The following NR2F6 variants were observed in gnomAD, a reference collection of about 807,000 sequenced individuals.
NR2F6 encodes the protein nuclear receptor subfamily 2 group F member 6, also known as ERBA-related gene-2.
A neutral mutation model predicts 26.5 loss-of-function variants in NR2F6; 16 were observed. That is an observed-to-expected ratio of 0.60 (90% CI 0.41 to 0.92). The LOEUF is 0.92. Among genes scored for constraint, NR2F6 ranks in the 40% least tolerant of loss-of-function variants. The pLI, the probability that NR2F6 is intolerant of heterozygous loss-of-function variation, is 0.00. For synonymous variants in NR2F6, 325 were observed against 305.0 expected, an observed-to-expected ratio of 1.07 and a Z score of -0.68; for missense variants, 536 against 631.7, an observed-to-expected ratio of 0.85 and a Z score of 1.62.
chr19:17,241,272 T>C (rs1332819745), intron 1 of NR2F6, among the ~76,000 whole-genome samples: 2 of 152,156 alleles, frequency 1.3e-5, no homozygotes, highest in Non-Finnish European at 2.9e-5. Flanking sequence ...TGTGGGGTCA[T>C]AGCATTGTGG....
At chr19:17,238,732 G>C (rs1242161423) in intron 2 of NR2F6, among the ~76,000 whole-genome samples, 1 of 152,144 alleles carries the variant, frequency 6.6e-6, no homozygotes, top group Non-Finnish European at 1.5e-5. Context: ...AAGCCCCTCA[G>C]CTGCCTCTCT....
chr19:17,245,315 C>T lies in NR2F6; in HGVS notation c.-95G>A, dbSNP rs2073492567. 7 of 1,082,676 alleles carry T rather than the reference C, an allele frequency of 6.5e-6. No homozygotes were observed. In the South Asian group the frequency reaches 3.2e-4, roughly 50 times the overall value. The allele number at this position is 1,082,676 out of a possible 1,614,324, so 67.1% of individuals were successfully genotyped here. A position where few individuals can be genotyped will look rare whatever the true frequency, so the allele number is the denominator to read the frequency against. The stretch of plus-strand genomic sequence containing the variant: ...GGACCCTACGCGGCGCGCATTCGGC[C>T]CCGGCGCGCGGGGGGCACGGGCTGC... On this transcript the variant is annotated 5_prime_UTR_variant, in exon 1 of 4. Coordinates refer to ENST00000291442, the MANE Select transcript of NR2F6 (RefSeq NM_005234.4). This position sits in a 1 kb window ranked among gnomAD's most constrained non-coding sequence, Gnocchi z 5.0.
intron 3 of NR2F6, among the ~76,000 whole-genome samples, chr19:17,233,951 G>A (rs1017516473): frequency 2.6e-5 from 4 of 152,094 alleles, no homozygotes; most frequent in East Asian, 1.9e-4. Context: ...AAGGCCAGGC[G>A]CGGTGGCTCA....
chr19:17,232,932 G>C (rs949962963), intron 3 of NR2F6, among the ~76,000 whole-genome samples: 1 of 152,186 alleles, frequency 6.6e-6, no homozygotes, highest in Non-Finnish European at 1.5e-5. Context: ...TGGATCACTT[G>C]AGGTCAGGAG....
chr19:17,245,115 G>T lies in NR2F6; in HGVS notation c.106C>A (p.Pro36Thr). ...RAAEDDSASP[P>T]GAASDAEPGD... ...GGCTCGGCGTCGCTGGCGGCACCGGGGGGCGAGGCCGAGTCGTCCTCGGCC... is the reference window on the plus strand; with the variant it reads ...GGCTCGGCGTCGCTGGCGGCACCGGTGGGCGAGGCCGAGTCGTCCTCGGCC... The change falls in exon 1 of 4, where the codon CCC (proline) becomes ACC (threonine). Residue 36 changes from proline to threonine, a missense_variant. Coordinates refer to ENST00000291442, the MANE Select transcript of NR2F6 (RefSeq NM_005234.4). This position sits in a 1 kb window ranked among gnomAD's most constrained non-coding sequence, Gnocchi z 5.0. 2 of 1,541,488 alleles carry T rather than the reference G, an allele frequency of 1.3e-6. No homozygotes were observed. Among genetic ancestry groups the T allele is most frequent in the Non-Finnish European group, 1.7e-6 (2 of 1,146,052 alleles).
intron 1 of NR2F6, among the ~76,000 whole-genome samples, chr19:17,243,059 C>T (rs1351540761): frequency 6.6e-6 from 1 of 152,204 alleles, no homozygotes; most frequent in Non-Finnish European, 1.5e-5. Flanking sequence ...CAGTCCCCCT[C>T]TTACAGCACA....
In NR2F6 at chr19:17,235,527, G is replaced by A; in HGVS notation, c.912C>T (p.Cys304=). ...RLQVDSAEYG[C]LKAIALFTPD... ...GCGTGAAGAGCGCGATGGCCTTGAG[G>A]CAGCCATACTCGGCCGAGTCGACCT... is the stretch of plus-strand genomic sequence containing the variant. Residue 304 remains cysteine (C), a synonymous_variant, in exon 3 of 4, where the codon TGC becomes TGT. Transcript: ENST00000291442. The surrounding 1 kb of genome is among the most constrained non-coding windows in gnomAD (Gnocchi z 5.0). 6.3e-7 allele frequency: 1 copy of A among 1,594,544 alleles called. No homozygotes were observed. Among genetic ancestry groups the A allele is most frequent in the Non-Finnish European group, 8.5e-7 (1 of 1,176,458 alleles).
In NR2F6 at chr19:17,235,473, G is replaced by A. The variant is rs1337404849; in HGVS notation, c.940+26C>T. 5.1e-6 allele frequency: 8 copies of A among 1,556,042 alleles called. No homozygotes were observed. The highest frequency in any genetic ancestry group is 6.9e-6 in the Non-Finnish European group (8 of 1,157,268). ...AACCTCCCTTGGGTCCCCCCATCCC[G>A]CGGCCCTCTTCGGAGCGTGGCTCAC... On this transcript the variant is annotated intron_variant, in intron 3 of 3. Coordinates refer to ENST00000291442, the MANE Select transcript of NR2F6 (RefSeq NM_005234.4). The surrounding 1 kb of genome is among the most constrained non-coding windows in gnomAD (Gnocchi z 5.0).
intron 1 of NR2F6, among the ~76,000 whole-genome samples, chr19:17,243,188 C>T (rs1450334584): frequency 1.3e-5 from 2 of 152,192 alleles, no homozygotes; most frequent in African/African-American, 2.4e-5. Context: ...CTCCTCCAGG[C>T]AGCCCTCTCT....
intron 1 of NR2F6, among the ~76,000 whole-genome samples, chr19:17,243,612 G>C (rs2145569444): frequency 6.6e-6 from 1 of 152,312 alleles, no homozygotes; most frequent in Middle Eastern, 3.4e-3. Context: ...CCAAAGTCTA[G>C]TGGCCCACTT....
chr19:17,240,744 G>A lies in NR2F6; in HGVS notation c.300C>T (p.Ile100=), dbSNP rs1451835409. Residue 100 remains isoleucine, a synonymous_variant, in exon 2 of 4, where the codon ATC becomes ATT. Coordinates refer to ENST00000291442, the MANE Select transcript of NR2F6 (RefSeq NM_005234.4). Reference sequence around the variant, plus strand: ...GGCACTGGTTCCGGTGGTGCTGGTCGATCTGGCAGTCACGGTTGGACCTGG... The same window carrying A: ...GGCACTGGTTCCGGTGGTGCTGGTCAATCTGGCAGTCACGGTTGGACCTGG... ...YTCRSNRDCQ[I]DQHHRNQCQY... 7 of 1,614,004 alleles carry A rather than the reference G, an allele frequency of 4.3e-6. No individual in the cohort carries two copies. The highest frequency in any genetic ancestry group is 2.2e-5 in the South Asian group (2 of 91,070).
rs1325946477 is a variant in NR2F6, at chr19:17,235,385, A to C, written c.940+114T>G. 2.7e-6 allele frequency: 4 copies of C among 1,481,906 alleles called. No individual in the cohort carries two copies. The East Asian group carries it at 1.0e-4, about 38-fold the overall frequency. 91.8% of individuals were successfully genotyped at this position (1,481,906 alleles called of 1,614,324 possible). On this transcript the variant is annotated intron_variant, in intron 3 of 3. Coordinates refer to ENST00000291442, the MANE Select transcript of NR2F6 (RefSeq NM_005234.4). The surrounding 1 kb of genome is among the most constrained non-coding windows in gnomAD (Gnocchi z 5.0). ...TCACTCACGGCGCGTGCAGGGCCCC[A>C]GGCCTAGGGAGCGAGCGGGGCGCTA...
chr19:17,232,683 A>G, intron 3 of NR2F6, 57 bp from the exon 4 acceptor site: 1 of 1,500,546 alleles, frequency 6.7e-7, no homozygotes, highest in South Asian at 1.3e-5. Flanking sequence ...CACAGAGCCC[A>G]CAGGGGTGAC....
At chr19:17,240,346 A>G (rs1378191540) in intron 2 of NR2F6, among the ~76,000 whole-genome samples, 2 of 152,190 alleles carry the variant, frequency 1.3e-5, no homozygotes, top group Non-Finnish European at 2.9e-5. Context: ...AGTCGGGGGT[A>G]ATTGGGGAAG....
intron 2 of NR2F6, among the ~76,000 whole-genome samples, chr19:17,237,961 G>T (rs139265975): frequency 2.0e-5 from 3 of 152,016 alleles, no homozygotes; most frequent in African/African-American, 7.2e-5. Flanking sequence ...GCAACATAGC[G>T]AGACCCCGTC....
Position 17,232,282 on chromosome 19 carries a change from G to A in NR2F6, c.*70C>T, listed in dbSNP as rs1033251051. The A allele has an allele frequency of 6.3e-5, 101 of 1,594,162 alleles. No individual in the cohort carries two copies. The highest frequency in any genetic ancestry group is 8.5e-5 in the Non-Finnish European group (100 of 1,169,734). On this transcript the variant is annotated 3_prime_UTR_variant, in exon 4 of 4. Transcript: ENST00000291442. ...TCCTGGGCCCCGGGAGGCCCCTCGA[G>A]GCCTCAGCATTCCCTGTCCCTTGAG...
At chr19:17,244,634 C>A in intron 1 of NR2F6, 1 of 347,744 alleles carries the variant, frequency 2.9e-6, no homozygotes, top group Middle Eastern at 8.1e-4. Context: ...CCTGACAGCA[C>A]CCCTACCCCC....
In NR2F6 at chr19:17,240,691, C is replaced by T. The variant is rs969235743; in HGVS notation, c.353G>A (p.Arg118Gln). The T allele has an allele frequency of 6.8e-6, 11 of 1,614,108 alleles. No homozygotes were observed. Among genetic ancestry groups the T allele is most frequent in the African/African-American group, 1.3e-5 (1 of 74,944 alleles). ...CQYCRLKKCF[R>Q]VGMRKEAVQR... is the part of the protein sequence containing the mutation. ...CTCACCCTCCTTCCTCATGCCCACC[C>T]GGAAGCACTTCTTGAGACGGCAGTA... The change falls in exon 2 of 4, where the codon CGG becomes CAG. Residue 118 changes from arginine (R) to glutamine (Q), a missense_variant. Physicochemically the swap from Arg to Gln is conservative, Grantham distance 43. Transcript: ENST00000291442.
At chr19:17,240,472 A>G (rs755546369) in intron 2 of NR2F6, among the ~76,000 whole-genome samples, 199 bp downstream of exon 2, 4 of 152,232 alleles carry the variant, frequency 2.6e-5, no homozygotes, top group Non-Finnish European at 5.9e-5. Flanking sequence ...CCTCCAGCCT[A>G]GGGCCAGACT....
Sources: gnomAD v4.1 joint callset for allele counts (sites outside exome capture counted in the v4.1 genomes callset) on GRCh38, gnomAD v4.1.1 for gene constraint, Gnocchi (gnomAD v3.1) non-coding constraint, MANE v1.5 for transcripts, NCBI Gene and HGNC (gene_info 2026-07-23, HGNC 2026-07-21) for gene names.